ARMC9: variants seen among roughly 807,000 people sequenced by gnomAD.
ARMC9 encodes the protein lisH domain-containing protein ARMC9.
ARMC9 carries 94 observed loss-of-function variants against 107.0 expected under a neutral mutation model. That is an observed-to-expected ratio of 0.88 (90% confidence interval 0.74 to 1.04). The LOEUF (loss-of-function observed/expected upper bound fraction) is 1.04, where lower values mean the gene tolerates loss of function less well. Among genes scored for constraint, ARMC9 ranks in the 50% least tolerant of loss-of-function variants. The pLI is 0.00. For missense variants in ARMC9, 942 were observed against 1,030.1 expected (o/e 0.91, Z 1.17); for synonymous variants, 380 against 396.9 (o/e 0.96, Z 0.51).
At chr2:231,245,919 C>G (rs1353005891) in intron 9 of ARMC9, among the ~76,000 whole-genome samples, 2 of 152,178 alleles carry the variant, frequency 1.3e-5, no homozygotes, top group South Asian at 2.1e-4. Flanking sequence ...CAAGCCTGTT[C>G]CACCCACACC....
At chr2:231,338,280 G>A (rs1034485385) in intron 20 of ARMC9, among the ~76,000 whole-genome samples, 11 of 150,884 alleles carry the variant, frequency 7.3e-5, no homozygotes, top group Admixed American at 6.6e-4. Context: ...GTGCAGTGGC[G>A]CAATCTCGGC....
chr2:231,337,118 G>GT (rs1243225361), intron 20 of ARMC9, among the ~76,000 whole-genome samples: 5 of 151,320 alleles, frequency 3.3e-5, no homozygotes, highest in Admixed American at 1.3e-4. Flanking sequence ...TACTTTTCGG[G>GT]TTTTTTTTCA....
At chr2:231,201,291 G>A (rs2030908013) in intron 1 of ARMC9, among the ~76,000 whole-genome samples, 1 of 152,154 alleles carries the variant, frequency 6.6e-6, no homozygotes, top group Non-Finnish European at 1.5e-5. Flanking sequence ...GAAGCACATG[G>A]CAGATGCCAT....
chr2:231,283,982 T>C (rs2040406082), intron 17 of ARMC9, among the ~76,000 whole-genome samples: 1 of 152,144 alleles, frequency 6.6e-6, no homozygotes, highest in East Asian at 1.9e-4. Flanking sequence ...CATCTTGGCC[T>C]CCATGCAGGG....
At chr2:231,265,710 A>T (rs897328924) in intron 12 of ARMC9, among the ~76,000 whole-genome samples, 1 of 151,978 alleles carries the variant, frequency 6.6e-6, no homozygotes, top group Admixed American at 6.5e-5. Flanking sequence ...TTCTAAAAAA[A>T]AAAAAGAAGA....
chr2:231,262,244 A>C (rs745925562), intron 11 of ARMC9, 62 bp from the exon 12 acceptor site: 3 of 1,491,706 alleles, frequency 2.0e-6, no homozygotes, highest in Admixed American at 3.3e-5. Flanking sequence ...CACACCTGCT[A>C]TGAGAAACTT....
In ARMC9 at chr2:231,239,972, T is replaced by C. The variant is rs763910235; in HGVS notation, c.810T>C (p.Cys270=). ...CCCCTGAGTACCTCCAGAGCGTCTG[T>C]GTCCGCCTGTTCAGTAACCAGATGC... The part of the protein sequence containing the change: ...MITPEYLQSV[C]VRLFSNQMRQ... The change falls in exon 9 of 25, where the codon TGT becomes TGC. Residue 270 remains cysteine (C), a synonymous_variant. Transcript: ENST00000611582. 5 of 1,614,128 alleles carry C rather than the reference T, an allele frequency of 3.1e-6. No individual in the cohort carries two copies. The East Asian group carries it at 8.9e-5, about 29-fold the overall frequency.
At position 231,239,662 on chromosome 2, in the gene ARMC9, A is replaced by G. The variant is rs373244922; in HGVS notation, c.781-281A>G. Among the ~76,000 whole-genome samples, 8 of 152,210 alleles carry G rather than the reference A, an allele frequency of 5.3e-5. No homozygotes were observed. The East Asian group carries it at 7.7e-4, about 15-fold the overall frequency. On this transcript the variant is annotated intron_variant, in intron 8 of 24. Transcript: ENST00000611582. Reference sequence around the variant, plus strand: ...GTGGTTTAGGATCTGTTTATTCTACATGACAGTGGAGATAGCTGAAGTGGA... The same window carrying G: ...GTGGTTTAGGATCTGTTTATTCTACGTGACAGTGGAGATAGCTGAAGTGGA...
intron 23 of ARMC9, among the ~76,000 whole-genome samples, chr2:231,365,150 C>A (rs1460587438): frequency 2.6e-5 from 4 of 152,134 alleles, no homozygotes. Context: ...TAGGGCAGAG[C>A]AGAGAAACCA....
chr2:231,263,998 T>A (rs1366169987), intron 12 of ARMC9, among the ~76,000 whole-genome samples: 1 of 152,228 alleles, frequency 6.6e-6, no homozygotes, highest in South Asian at 2.1e-4. Flanking sequence ...TCAATGGCAT[T>A]TTACAGTTTA....
chr2:231,321,746 C>T (rs879688302), intron 19 of ARMC9, among the ~76,000 whole-genome samples: 2 of 152,136 alleles, frequency 1.3e-5, no homozygotes, highest in East Asian at 1.9e-4. Flanking sequence ...TTCGGTTACC[C>T]TCTTCCTCTT....
In ARMC9 at chr2:231,262,284, CTT is replaced by C. The variant is rs2038439096; in HGVS notation, c.1027-19_1027-18del. 1 of 1,612,090 alleles carries C rather than the reference CTT, an allele frequency of 6.2e-7. No individual in the cohort carries two copies. ...CCATGATAAGACTTAGGTCTCACTA[CTT>C]TTGTTTTTCTTTGCTCCAGCGCTTG... is the stretch of plus-strand genomic sequence containing the variant. On this transcript the variant is annotated intron_variant, in intron 11 of 24. Transcript: ENST00000611582.
chr2:231,222,604 C>T, intron 5 of ARMC9, 124 bp from the exon 6 acceptor site: 1 of 526,654 alleles, frequency 1.9e-6, no homozygotes, highest in Admixed American at 3.8e-5. Flanking sequence ...AGCCTCACGT[C>T]ACTGGCATTT....
intron 21 of ARMC9, chr2:231,345,319 C>A: frequency 1.4e-6 from 1 of 697,682 alleles, no homozygotes; most frequent in Non-Finnish European, 2.1e-6. Context: ...TCTCCAGGGC[C>A]ACTTCAGAAG....
chr2:231,222,163 T>C (rs571748935), intron 5 of ARMC9, among the ~76,000 whole-genome samples: 1 of 152,250 alleles, frequency 6.6e-6, no homozygotes, highest in South Asian at 2.1e-4. Flanking sequence ...AAGTCATTAA[T>C]TTTTTCTTCT....
chr2:231,272,762 T>C (rs904306116), intron 13 of ARMC9, among the ~76,000 whole-genome samples, 193 bp from the exon 14 acceptor site: 7 of 152,122 alleles, frequency 4.6e-5, no homozygotes, highest in African/African-American at 1.7e-4. Context: ...GTGATCTGCC[T>C]GCCTTGGCTT....
chr2:231,202,832 T>C (rs2125299780), intron 1 of ARMC9, among the ~76,000 whole-genome samples: 1 of 152,254 alleles, frequency 6.6e-6, no homozygotes, highest in East Asian at 1.9e-4. Flanking sequence ...ACAATGGGCC[T>C]CAGTATAACA....
chr2:231,363,083 AAGTGCAGGGCTGCAGGGAGTGTGCAAGG>A, intron 23 of ARMC9, among the ~76,000 whole-genome samples: 1 of 151,784 alleles, frequency 6.6e-6, no homozygotes, highest in African/African-American at 2.4e-5. Flanking sequence ...GGTATTCAGG[AAGTGCAGGGCTGCAGGGAGTGTGCAAGG>A]AGTGCAGGGA....
intron 2 of ARMC9, 39 bp downstream of exon 2, chr2:231,206,328 G>T (rs372983316): frequency 4.0e-5 from 63 of 1,561,860 alleles, no homozygotes; most frequent in Non-Finnish European, 4.6e-5. Context: ...CAGAGAAACA[G>T]ATCTTGAAAA....
Sources: gnomAD v4.1 joint callset for allele counts (sites outside exome capture counted in the v4.1 genomes callset) on GRCh38, gnomAD v4.1.1 for gene constraint, MANE v1.5 for transcripts, NCBI Gene and HGNC (gene_info 2026-07-23, HGNC 2026-07-21) for gene names.